ARFGEF1: variants seen among roughly 807,000 people sequenced by gnomAD.
ARFGEF1 encodes brefeldin A-inhibited guanine nucleotide-exchange protein 1.
Under a neutral mutation model 231.0 loss-of-function variants are expected in ARFGEF1, and 42 were observed. The ratio of observed to expected loss-of-function variants is 0.18; its 90% confidence interval spans 0.14 to 0.24. ARFGEF1 has a LOEUF of 0.24. ARFGEF1 is among the 10% of genes least tolerant of loss of function. ARFGEF1 has a pLI of 1.00. For missense variants in ARFGEF1, 1,345 were observed against 2,192.0 expected (o/e 0.61, Z 7.72); for synonymous variants, 710 against 732.3 (o/e 0.97, Z 0.49).
chr8:67,292,891 A>T (rs537525658), intron 5 of ARFGEF1, among the ~76,000 whole-genome samples: 13 of 152,288 alleles, frequency 8.5e-5, no homozygotes, highest in Non-Finnish European at 1.3e-4. Flanking sequence ...TACAGTAGTA[A>T]ATATGAACAT....
intron 1 of ARFGEF1, among the ~76,000 whole-genome samples, chr8:67,337,679 G>C (rs1229630653): frequency 8.6e-5 from 13 of 151,716 alleles, no homozygotes; most frequent in Admixed American, 8.5e-4. Flanking sequence ...GTATCTGAAA[G>C]ACTAAATCCC....
At chr8:67,335,095 C>T (rs1054393575) in intron 1 of ARFGEF1, among the ~76,000 whole-genome samples, 13 of 150,216 alleles carry the variant, frequency 8.7e-5, no homozygotes, top group Admixed American at 4.0e-4. Flanking sequence ...AAGAGTATCA[C>T]GGTAAATTTT....
At chr8:67,291,826 C>A (rs772487424) in intron 6 of ARFGEF1, 21 bp downstream of exon 6, 1 of 1,609,564 alleles carries the variant, frequency 6.2e-7, no homozygotes, top group South Asian at 1.1e-5. Context: ...ACACCCCAAA[C>A]CCCCTTTTCA....
intron 3 of ARFGEF1, 130 bp downstream of exon 3, chr8:67,301,094 C>A: frequency 1.2e-6 from 1 of 856,650 alleles, no homozygotes; most frequent in Non-Finnish European, 1.7e-6. Flanking sequence ...TATAAAAAAT[C>A]ACTTGGATTT....
chr8:67,203,273 A>G (rs543651254), intron 35 of ARFGEF1, 22 bp from the exon 36 acceptor site: 1 of 1,610,562 alleles, frequency 6.2e-7, no homozygotes, highest in African/African-American at 1.3e-5. Flanking sequence ...AAACCACCCC[A>G]GCATATACAC....
intron 23 of ARFGEF1, among the ~76,000 whole-genome samples, chr8:67,231,692 A>C (rs116490338): frequency 6.6e-6 from 1 of 152,226 alleles, no homozygotes; most frequent in African/African-American, 2.4e-5. Context: ...GCAGTAGTAC[A>C]TGCAGGCTGA....
downstream of ARFGEF1, chr8:67,195,443 A>AAAC: frequency 6.2e-7 from 1 of 1,614,226 alleles, no homozygotes; most frequent in East Asian, 2.2e-5. Flanking sequence ...ATGACGGATC[A>AAAC]AACTCTGTAG....
At chr8:67,339,923 T>G (rs549397014) in intron 1 of ARFGEF1, among the ~76,000 whole-genome samples, 1 of 151,846 alleles carries the variant, frequency 6.6e-6, no homozygotes, top group East Asian at 1.9e-4. Flanking sequence ...TCTGTGAAAA[T>G]AAAAGTTCCT....
chr8:67,209,449 G>A (rs549004245), intron 34 of ARFGEF1, among the ~76,000 whole-genome samples: 4 of 152,308 alleles, frequency 2.6e-5, no homozygotes, highest in Admixed American at 2.6e-4. Context: ...CTGTATAACA[G>A]TTATGGGGCT....
chr8:67,239,859 G>T (rs533543727), intron 20 of ARFGEF1, among the ~76,000 whole-genome samples: 1 of 151,828 alleles, frequency 6.6e-6, no homozygotes, highest in Non-Finnish European at 1.5e-5. Context: ...TATTTTATTC[G>T]TTTAAACAAG....
intron 5 of ARFGEF1, among the ~76,000 whole-genome samples, chr8:67,185,118 C>A (rs113042963): frequency 4.2e-4 from 60 of 143,830 alleles, no homozygotes; most frequent in African/African-American, 1.1e-3. Flanking sequence ...AAAAAAAAAA[C>A]AAAAACAAAC....
chr8:67,330,397 T>TA (rs1808047176), intron 1 of ARFGEF1, among the ~76,000 whole-genome samples: 1 of 152,118 alleles, frequency 6.6e-6, no homozygotes, highest in Admixed American at 6.5e-5. Context: ...GAATCTTCTA[T>TA]AACAGTCATA....
chr8:67,342,195 TTG>T (rs1396928178), intron 1 of ARFGEF1, among the ~76,000 whole-genome samples: 1 of 152,216 alleles, frequency 6.6e-6, no homozygotes, highest in Non-Finnish European at 1.5e-5. Context: ...GAATGTATCT[TTG>T]TGTTAAATGT....
chr8:67,224,981 A>G lies in ARFGEF1; in HGVS notation c.4130T>C (p.Val1377Ala). 6.2e-7 allele frequency: 1 copy of G among 1,606,766 alleles called. No homozygotes were observed. Among genetic ancestry groups the G allele is most frequent in the South Asian group, 1.1e-5 (1 of 89,828 alleles). ...DDMNVAPEDR[V>A]WVRGWFPILF... ...AATTGGGAACCATCCTCTCACCCAC[A>G]CCCTGTCTTCAGGTGCTACGTTCAT... The change falls in exon 29 of 39, where the codon GTG becomes GCG. Residue 1377 changes from valine (V) to alanine (A), a missense_variant. Physicochemically the swap from Val to Ala is moderately conservative, Grantham distance 64. This residue lies in a region of ARFGEF1 where 142 missense variants were observed against 227.3 expected (regional missense o/e 0.62). Transcript: ENST00000262215.
At chr8:67,291,800 A>T in intron 6 of ARFGEF1, 47 bp downstream of exon 6, 1 of 1,579,868 alleles carries the variant, frequency 6.3e-7, no homozygotes. Context: ...TCATTCCTAC[A>T]CATTTCCCTT....
At chr8:67,181,253 G>T (rs1218010932) in intron 5 of ARFGEF1, among the ~76,000 whole-genome samples, 1 of 150,924 alleles carries the variant, frequency 6.6e-6, no homozygotes, top group Non-Finnish European at 1.5e-5. Flanking sequence ...GCCCAGGCTG[G>T]TCTCAAACAC....
chr8:67,175,483 T>C, downstream of ARFGEF1: 1 of 1,605,456 alleles, frequency 6.2e-7, no homozygotes. Flanking sequence ...CACGCTGTTT[T>C]TCCGTAGGCT....
chr8:67,295,838 A>G (rs1174379478), intron 5 of ARFGEF1, among the ~76,000 whole-genome samples: 2 of 152,176 alleles, frequency 1.3e-5, no homozygotes, highest in Non-Finnish European at 2.9e-5. Flanking sequence ...GTGAAGGGTA[A>G]AAGGGATTGC....
chr8:67,273,691 G>A (rs1376335401), intron 9 of ARFGEF1, among the ~76,000 whole-genome samples: 1 of 152,048 alleles, frequency 6.6e-6, no homozygotes, highest in Non-Finnish European at 1.5e-5. Context: ...GATGGCCATT[G>A]TGCTGAGTCT....
Sources: allele counts gnomAD v4.1 joint callset (sites outside exome capture counted in the v4.1 genomes callset), GRCh38; gene constraint gnomAD v4.1.1; regional missense constraint gnomAD v4.1.1; transcripts MANE v1.5; gene names NCBI Gene and HGNC (gene_info 2026-07-23, HGNC 2026-07-21).